Variants in MYO10 observed in about 807,000 individuals in gnomAD.
MYO10 encodes the protein unconventional myosin-X.
A neutral mutation model predicts 257.3 loss-of-function variants in MYO10; 133 were observed. That is an observed-to-expected ratio of 0.52 (90% CI 0.45 to 0.60). MYO10 has a LOEUF of 0.60. MYO10 is among the 20% of genes least tolerant of loss of function. The pLI, the probability that MYO10 is intolerant of heterozygous loss-of-function variation, is 0.00. For missense variants in MYO10, 2,399 were observed against 2,635.7 expected, an observed-to-expected ratio of 0.91 and a Z score of 1.97; for synonymous variants, 1,104 against 1,028.6, an observed-to-expected ratio of 1.07 and a Z score of -1.40.
intron 1 of MYO10, among the ~76,000 whole-genome samples, chr5:16,908,777 G>T (rs947542446): frequency 7.2e-5 from 11 of 152,138 alleles, no homozygotes; most frequent in African/African-American, 2.7e-4. Flanking sequence ...ATATAAAACA[G>T]AGCCAACACT....
chr5:16,718,431 C>A lies in MYO10; in HGVS notation c.1930-7186G>T, dbSNP rs539925241. 6.8e-4 allele frequency among the ~76,000 whole-genome samples: 104 copies of A among 152,360 alleles called. 1 individual carries two copies. The highest frequency in any genetic ancestry group is 2.3e-3 in the African/African-American group (97 of 41,584). On this transcript the variant is annotated intron_variant, in intron 19 of 40. Transcript: ENST00000513610. ...GCTGGGCTCCTGAGTCTGGTGGGGA[C>A]GTGGAGAGTATTTATATCTAGCTCA...
rs1309426982 is a variant in MYO10, at chr5:16,663,630, C to G, written c.*3062G>C. On this transcript the variant is annotated 3_prime_UTR_variant, in exon 41 of 41. Transcript: ENST00000513610. ...GCTGAGGTGGAGGACTGCTTGAGCC[C>G]AGGAGGTTGAGGCTGCAATGAGCTG... 6.6e-6 allele frequency: 1 copy of G among 151,962 alleles called. No individual in the cohort carries two copies. Among genetic ancestry groups the G allele is most frequent in the Non-Finnish European group, 1.5e-5 (1 of 68,032 alleles). The allele number at this position is 151,962 out of a possible 1,614,324, so 9.4% of individuals were successfully genotyped here.
At chr5:16,880,795 G>T (rs1205394551) in intron 1 of MYO10, among the ~76,000 whole-genome samples, 1 of 152,156 alleles carries the variant, frequency 6.6e-6, no homozygotes, top group African/African-American at 2.4e-5. Flanking sequence ...GCAAACAGCT[G>T]CTTCCAAAAA....
chr5:16,668,332 G>C lies in MYO10; in HGVS notation c.6020C>G (p.Ala2007Gly), dbSNP rs761944829. 1 of 1,613,874 alleles carries C rather than the reference G, an allele frequency of 6.2e-7. No homozygotes were observed. Among genetic ancestry groups the C allele is most frequent in the Non-Finnish European group, 8.5e-7 (1 of 1,179,856 alleles). ...EHILSFGAPL[A>G]NTYKIVVDER... ...ATCGACCACGATCTTATACGTATTC[G>C]CCAGGGGTGCCCCAAAAGAGAGGAT... Residue 2007 changes from alanine (A) to glycine (G), a missense_variant, in exon 40 of 41, where the codon GCG becomes GGG. Physicochemically the swap from Ala to Gly is moderately conservative, Grantham distance 60. Transcript: ENST00000513610.
intron 1 of MYO10, among the ~76,000 whole-genome samples, chr5:16,914,099 T>C (rs1745746721): frequency 6.6e-6 from 1 of 152,154 alleles, no homozygotes; most frequent in Non-Finnish European, 1.5e-5. Context: ...CCTGACCAAA[T>C]GATAAAGACC....
chr5:16,854,487 T>A (rs1364020286), intron 2 of MYO10, among the ~76,000 whole-genome samples: 1 of 152,126 alleles, frequency 6.6e-6, no homozygotes, highest in African/African-American at 2.4e-5. Context: ...GTAAGAAATG[T>A]CCATAACAGG....
At chr5:16,931,102 T>C (rs1337019866) in intron 1 of MYO10, among the ~76,000 whole-genome samples, 3 of 152,068 alleles carry the variant, frequency 2.0e-5, no homozygotes, top group Admixed American at 1.3e-4. Context: ...AGAAACCCCA[T>C]CTCTCCTAAA....
intron 1 of MYO10, among the ~76,000 whole-genome samples, chr5:16,880,250 T>C (rs551877566): frequency 7.5e-5 from 7 of 93,550 alleles, no homozygotes; most frequent in Admixed American, 2.2e-4. Context: ...TCGGGATCCA[T>C]AGTTGTCACT....
intron 1 of MYO10, among the ~76,000 whole-genome samples, chr5:16,891,682 A>T (rs532162564): frequency 2.0e-5 from 3 of 152,298 alleles, no homozygotes; most frequent in African/African-American, 7.2e-5. Context: ...CTATGCAGAC[A>T]AATAGGTAGA....
chr5:16,735,255 T>C lies in MYO10; in HGVS notation c.1929+19573A>G, dbSNP rs559984732. 7.9e-5 allele frequency among the ~76,000 whole-genome samples: 12 copies of C among 152,326 alleles called. 1 individual carries two copies. The highest frequency in any genetic ancestry group is 2.4e-4 in the African/African-American group (10 of 41,584). On this transcript the variant is annotated intron_variant, in intron 19 of 40. Transcript: ENST00000513610. The stretch of plus-strand genomic sequence containing the variant: ...CTTGTTCCTTGAGAGGAAAACCTTA[T>C]GCTGTTAGCCCTGGAATAGGTAGAA...
intron 2 of MYO10, among the ~76,000 whole-genome samples, chr5:16,854,410 C>T (rs1743900484): frequency 6.6e-6 from 1 of 151,968 alleles, no homozygotes; most frequent in Non-Finnish European, 1.5e-5. Flanking sequence ...CATGGGTGAC[C>T]CCTGAAAACA....
In MYO10 at chr5:16,701,568, C is replaced by T. The variant is rs1738075638; in HGVS notation, c.2827G>A (p.Glu943Lys). 6.2e-7 allele frequency: 1 copy of T among 1,613,872 alleles called. No individual in the cohort carries two copies. ...EACRAAQEFLESLNFDEIDEC... is the reference protein window; with the variant it reads ...EACRAAQEFLKSLNFDEIDEC... ...TCGATCTCGTCGAAATTGAGGGACT[C>T]GAGGAACTCCTGGGCCGCCCTGCAC... Residue 943 changes from glutamate (E) to lysine (K), a missense_variant, in exon 25 of 41, where the codon GAG becomes AAG. Glu to Lys is a moderately conservative substitution (Grantham distance 56). Transcript: ENST00000513610. This position sits in a 1 kb window ranked among gnomAD's most constrained non-coding sequence, Gnocchi z 8.1.
intron 3 of MYO10, among the ~76,000 whole-genome samples, chr5:16,811,196 T>C (rs1939708155): frequency 6.6e-6 from 1 of 152,056 alleles, no homozygotes; most frequent in African/African-American, 2.4e-5. Flanking sequence ...ACTGACATCT[T>C]AGGCCAGATG....
chr5:16,797,379 C>T (rs543400953), intron 3 of MYO10, among the ~76,000 whole-genome samples: 7 of 152,124 alleles, frequency 4.6e-5, no homozygotes, highest in Non-Finnish European at 1.0e-4. Flanking sequence ...GGTTACTCAA[C>T]CTGGAATGTG....
chr5:16,710,165 A>G (rs527649257), intron 21 of MYO10, among the ~76,000 whole-genome samples: 2 of 152,180 alleles, frequency 1.3e-5, no homozygotes, highest in Non-Finnish European at 2.9e-5. Context: ...CTTCGAGGAC[A>G]CATGTGTCCT....
intron 4 of MYO10, among the ~76,000 whole-genome samples, chr5:16,787,916 C>A (rs1345724382): frequency 6.6e-6 from 1 of 151,966 alleles, no homozygotes; most frequent in Admixed American, 6.6e-5. Context: ...CTCCTGCCTC[C>A]CGAGTAGCTG....
chr5:16,751,640 C>T (rs183279504), intron 19 of MYO10, among the ~76,000 whole-genome samples: 1 of 151,768 alleles, frequency 6.6e-6, no homozygotes, highest in African/African-American at 2.4e-5. Flanking sequence ...CGCCACCAAA[C>T]CTGGCTAATT....
At chr5:16,841,654 C>T (rs1398210327) in intron 2 of MYO10, among the ~76,000 whole-genome samples, 1 of 152,190 alleles carries the variant, frequency 6.6e-6, no homozygotes, top group African/African-American at 2.4e-5. Context: ...ACGCGGCAGC[C>T]TTTGTGGTCT....
At chr5:16,828,069 G>C (rs1026742336) in intron 2 of MYO10, among the ~76,000 whole-genome samples, 40 of 152,050 alleles carry the variant, frequency 2.6e-4, no homozygotes, top group African/African-American at 9.7e-4. Context: ...TGAGTCCCTG[G>C]GCACATTCCT....
Sources: allele counts gnomAD v4.1 joint callset (sites outside exome capture counted in the v4.1 genomes callset), GRCh38; gene constraint gnomAD v4.1.1; non-coding constraint Gnocchi (gnomAD v3.1); transcripts MANE v1.5; gene names NCBI Gene and HGNC (gene_info 2026-07-23, HGNC 2026-07-21).